Variants in GRIA1 observed in about 807,000 individuals in gnomAD.
GRIA1 encodes glutamate ionotropic receptor AMPA type subunit 1, also known as glutamate receptor 1.
GRIA1 carries 31 observed loss-of-function variants against 99.2 expected under a neutral mutation model. The observed-to-expected ratio is 0.31, with a 90% CI of 0.23 to 0.42. GRIA1 has a LOEUF of 0.42. GRIA1 is among the 10% of genes least tolerant of loss of function. The pLI is 1.00. For missense variants in GRIA1, 782 were observed against 1,157.5 expected, an observed-to-expected ratio of 0.68 and a Z score of 4.71; for synonymous variants, 438 against 432.4, an observed-to-expected ratio of 1.01 and a Z score of -0.16.
chr5:153,790,949 AT>A (rs1478452458), intron 13 of GRIA1, among the ~76,000 whole-genome samples: 1 of 152,142 alleles, frequency 6.6e-6, no homozygotes, highest in African/African-American at 2.4e-5. Flanking sequence ...TCACATTCAC[AT>A]CTTTAACTTT....
intron 2 of GRIA1, among the ~76,000 whole-genome samples, chr5:153,551,669 C>A (rs895185345): frequency 6.6e-6 from 1 of 152,136 alleles, no homozygotes; most frequent in Non-Finnish European, 1.5e-5. Flanking sequence ...TTATTCATAG[C>A]CCTTTTGCTG....
intron 2 of GRIA1, among the ~76,000 whole-genome samples, chr5:153,538,551 A>G (rs560425803): frequency 6.6e-6 from 1 of 152,218 alleles, no homozygotes; most frequent in Admixed American, 6.5e-5. Context: ...TGAAGTAAGA[A>G]TAGGTGGCTC....
intron 2 of GRIA1, among the ~76,000 whole-genome samples, chr5:153,562,220 A>T (rs1289564547): frequency 6.6e-6 from 1 of 152,196 alleles, no homozygotes; most frequent in Non-Finnish European, 1.5e-5. Flanking sequence ...AGTTAAGGGA[A>T]GTGTCATGAG....
chr5:153,752,133 G>A (rs1762547541), intron 11 of GRIA1, among the ~76,000 whole-genome samples: 1 of 152,222 alleles, frequency 6.6e-6, no homozygotes, highest in Admixed American at 6.5e-5. Context: ...TATTGTAATG[G>A]AAGAATGATA....
At chr5:153,582,656 C>A (rs576738981) in intron 2 of GRIA1, among the ~76,000 whole-genome samples, 2 of 152,188 alleles carry the variant, frequency 1.3e-5, no homozygotes, top group Non-Finnish European at 2.9e-5. Flanking sequence ...ATCTACAGTG[C>A]CAGAAGCTAG....
chr5:153,789,131 C>T (rs1403767456), intron 13 of GRIA1, among the ~76,000 whole-genome samples: 2 of 152,130 alleles, frequency 1.3e-5, no homozygotes, highest in Non-Finnish European at 2.9e-5. Context: ...TGTTATTCCA[C>T]ACACATGATG....
At chr5:153,601,585 C>CCAGACTCCATACT (rs1764968301) in intron 2 of GRIA1, among the ~76,000 whole-genome samples, 1 of 152,224 alleles carries the variant, frequency 6.6e-6, no homozygotes, top group Non-Finnish European at 1.5e-5. Context: ...GAAAACACCT[C>CCAGACTCCATACT]TCTATTCAAC....
intron 2 of GRIA1, among the ~76,000 whole-genome samples, chr5:153,515,731 G>T (rs1756556688): frequency 6.6e-6 from 1 of 152,158 alleles, no homozygotes; most frequent in Non-Finnish European, 1.5e-5. Context: ...CACAGAAATA[G>T]ATATTATTTG....
intron 14 of GRIA1, among the ~76,000 whole-genome samples, chr5:153,798,170 TA>T (rs1477423251): frequency 6.6e-6 from 1 of 152,200 alleles, no homozygotes; most frequent in African/African-American, 2.4e-5. Flanking sequence ...GACAGCTGTT[TA>T]TTTAAAAGCT....
intron 2 of GRIA1, among the ~76,000 whole-genome samples, chr5:153,581,799 G>A (rs1252396605): frequency 2.0e-5 from 3 of 150,572 alleles, no homozygotes; most frequent in Non-Finnish European, 3.0e-5. Context: ...CACCCAGGAT[G>A]GTGTGCAGTG....
chr5:153,509,102 T>A (rs1755812860), intron 2 of GRIA1, among the ~76,000 whole-genome samples: 1 of 152,210 alleles, frequency 6.6e-6, no homozygotes, highest in Non-Finnish European at 1.5e-5. Context: ...ACACACTCTG[T>A]CTTCTAAAAG....
At chr5:153,544,678 G>C (rs74357024) in intron 2 of GRIA1, among the ~76,000 whole-genome samples, 1 of 152,056 alleles carries the variant, frequency 6.6e-6, no homozygotes, top group South Asian at 2.1e-4. Context: ...ATTTAATTTA[G>C]ATAAACCAAA....
At chr5:153,751,326 AT>A (rs1762499558) in intron 11 of GRIA1, among the ~76,000 whole-genome samples, 2 of 152,374 alleles carry the variant, frequency 1.3e-5, no homozygotes, top group South Asian at 2.1e-4. Context: ...AGAAGAACTA[AT>A]AACTGGATAG....
At chr5:153,637,022 A>C (rs1322029113) in intron 2 of GRIA1, among the ~76,000 whole-genome samples, 1 of 152,248 alleles carries the variant, frequency 6.6e-6, no homozygotes, top group Non-Finnish European at 1.5e-5. Flanking sequence ...CAGCTTCCTC[A>C]TGCATGAAAT....
intron 13 of GRIA1, among the ~76,000 whole-genome samples, chr5:153,781,272 C>T (rs2149637723): frequency 6.6e-6 from 1 of 152,082 alleles, no homozygotes; most frequent in African/African-American, 2.4e-5. Flanking sequence ...TTCCTCAGAA[C>T]AAACGTCTAG....
intron 2 of GRIA1, among the ~76,000 whole-genome samples, chr5:153,597,649 C>A (rs187639537): frequency 2.4e-4 from 37 of 152,268 alleles, no homozygotes; most frequent in African/African-American, 8.9e-4. Flanking sequence ...ATTGAATAAA[C>A]TTTGCTATTT....
rs374720668 is a variant in GRIA1 at position 153,592,178 on chromosome 5, G to A, written c.221-54750G>A. On this transcript the variant is annotated intron_variant, in intron 2 of 15. Transcript: ENST00000285900. ...AAGTTGGTTCTTTTCATAGCAAGAG[G>A]CTGTATTCCTTGAACTGTCCAAGCC... Among the ~76,000 whole-genome samples the A allele has an allele frequency of 3.9e-5, 6 of 152,354 alleles. No individual in the cohort carries two copies. In the East Asian group the frequency reaches 9.6e-4, roughly 24 times the overall value.
intron 8 of GRIA1, among the ~76,000 whole-genome samples, chr5:153,690,431 C>T (rs1757660961): frequency 6.6e-6 from 1 of 152,148 alleles, no homozygotes; most frequent in Non-Finnish European, 1.5e-5. Flanking sequence ...CAAGTCATTA[C>T]ATCATCTCTA....
intron 2 of GRIA1, among the ~76,000 whole-genome samples, chr5:153,639,047 T>G (rs1753595938): frequency 6.6e-6 from 1 of 152,186 alleles, no homozygotes; most frequent in South Asian, 2.1e-4. Flanking sequence ...TGGAACTCAG[T>G]GAACTCACTG....
Sources: allele counts gnomAD v4.1 joint callset (sites outside exome capture counted in the v4.1 genomes callset), GRCh38; gene constraint gnomAD v4.1.1; transcripts MANE v1.5; gene names NCBI Gene and HGNC (gene_info 2026-07-23, HGNC 2026-07-21).